The following MAGI1 variants were observed in gnomAD, a reference collection of about 807,000 sequenced individuals.
MAGI1 encodes the protein membrane associated guanylate kinase, WW and PDZ domain containing 1.
MAGI1 carries 58 observed loss-of-function variants against 139.9 expected under a neutral mutation model. That is an observed-to-expected ratio of 0.41 (90% confidence interval 0.34 to 0.52). The LOEUF is 0.52. MAGI1 is among the 20% of genes least tolerant of loss of function. The pLI is 0.12. For synonymous variants in MAGI1, 812 were observed against 737.9 expected (o/e 1.10, Z -1.63); for missense variants, 1,874 against 1,901.6 (o/e 0.99, Z 0.27).
chr3:65,418,967 C>G (rs553451077), intron 12 of MAGI1, among the ~76,000 whole-genome samples: 11 of 152,286 alleles, frequency 7.2e-5, no homozygotes, highest in Non-Finnish European at 1.5e-4. Context: ...CTCTTGGGTT[C>G]TGTGATACAA....
At chr3:65,583,255 T>G (rs2081522735) in intron 2 of MAGI1, among the ~76,000 whole-genome samples, 1 of 152,140 alleles carries the variant, frequency 6.6e-6, no homozygotes, top group Admixed American at 6.5e-5. Flanking sequence ...TTGCTGCTCT[T>G]AGATTTACAC....
At chr3:65,520,117 T>C (rs990787466) in intron 2 of MAGI1, among the ~76,000 whole-genome samples, 7 of 152,204 alleles carry the variant, frequency 4.6e-5, no homozygotes, top group African/African-American at 1.4e-4. Flanking sequence ...CTAGATCCCG[T>C]TGAACCACCC....
intron 7 of MAGI1, 25 bp from the exon 8 acceptor site, chr3:65,442,874 G>A (rs1386671596): frequency 1.9e-6 from 3 of 1,586,674 alleles, no homozygotes; most frequent in Non-Finnish European, 2.6e-6. Flanking sequence ...AACATTTAGG[G>A]CAAGAAGAGC....
chr3:65,649,098 G>A (rs2085435814), intron 1 of MAGI1, among the ~76,000 whole-genome samples: 2 of 152,120 alleles, frequency 1.3e-5, no homozygotes, highest in Non-Finnish European at 1.5e-5. Flanking sequence ...TAAAGTGTGT[G>A]AAAAATGAAG....
chr3:65,935,266 G>A (rs1214035308), intron 1 of MAGI1, among the ~76,000 whole-genome samples: 1 of 152,164 alleles, frequency 6.6e-6, no homozygotes, highest in Admixed American at 6.5e-5. Flanking sequence ...AACTGAAAGA[G>A]GTTTAGTGAT....
chr3:65,658,915 T>A (rs534803434), intron 1 of MAGI1, among the ~76,000 whole-genome samples: 2 of 152,220 alleles, frequency 1.3e-5, no homozygotes, highest in South Asian at 4.1e-4. Context: ...CAATAAATAC[T>A]AGAAATCAAC....
At chr3:65,838,763 T>G (rs367762089) in intron 1 of MAGI1, among the ~76,000 whole-genome samples, 19 of 152,372 alleles carry the variant, frequency 1.2e-4, no homozygotes, top group African/African-American at 4.6e-4. Flanking sequence ...ACTGGGGTCC[T>G]GTTGTAAATG....
At chr3:65,693,003 C>G (rs968198130) in intron 1 of MAGI1, among the ~76,000 whole-genome samples, 1 of 152,130 alleles carries the variant, frequency 6.6e-6, no homozygotes, top group Non-Finnish European at 1.5e-5. Context: ...ACAATCATGG[C>G]TCACTGCAGC....
chr3:65,828,253 A>G (rs2042335247), intron 1 of MAGI1, among the ~76,000 whole-genome samples: 1 of 152,208 alleles, frequency 6.6e-6, no homozygotes, highest in African/African-American at 2.4e-5. Flanking sequence ...GAGGAGGACC[A>G]TCAGGTTCTG....
intron 1 of MAGI1, among the ~76,000 whole-genome samples, chr3:65,701,323 C>G (rs976939349): frequency 1.3e-5 from 2 of 152,070 alleles, no homozygotes; most frequent in African/African-American, 4.8e-5. Flanking sequence ...CGTGATCTTG[C>G]CTTACTGCAA....
chr3:65,436,419 GT>G (rs1295019925), intron 10 of MAGI1, among the ~76,000 whole-genome samples: 3 of 152,016 alleles, frequency 2.0e-5, no homozygotes, highest in Non-Finnish European at 4.4e-5. Context: ...AAGTTGCAAG[GT>G]TCTGGAGCTT....
intron 2 of MAGI1, among the ~76,000 whole-genome samples, chr3:65,544,156 C>T (rs1029203841): frequency 4.6e-5 from 7 of 151,820 alleles, no homozygotes; most frequent in Non-Finnish European, 8.8e-5. Context: ...TTCTTGGTGC[C>T]TTTTATATTT....
At chr3:65,658,861 T>G (rs549082932) in intron 1 of MAGI1, among the ~76,000 whole-genome samples, 1 of 152,226 alleles carries the variant, frequency 6.6e-6, no homozygotes, top group Non-Finnish European at 1.5e-5. Context: ...GAGGGTTTTC[T>G]TGCCCTGTAT....
At chr3:65,789,899 A>G (rs1456448359) in intron 1 of MAGI1, among the ~76,000 whole-genome samples, 1 of 152,246 alleles carries the variant, frequency 6.6e-6, no homozygotes, top group African/African-American at 2.4e-5. Flanking sequence ...TTCCACAAAA[A>G]GGAAGCATTC....
At chr3:65,454,386 T>G (rs1949239947) in intron 5 of MAGI1, among the ~76,000 whole-genome samples, 1 of 139,004 alleles carries the variant, frequency 7.2e-6, no homozygotes, top group Non-Finnish European at 1.6e-5. Context: ...TGTTGTGGGG[T>G]TGGGGGAGGG....
chr3:65,796,107 C>T (rs1371557816), intron 1 of MAGI1, among the ~76,000 whole-genome samples: 3 of 150,860 alleles, frequency 2.0e-5, no homozygotes, highest in South Asian at 2.1e-4. Context: ...CACAGGACTG[C>T]GGAGGATGGC....
intron 1 of MAGI1, among the ~76,000 whole-genome samples, chr3:66,031,059 T>C (rs555438617): frequency 2.6e-5 from 4 of 152,272 alleles, no homozygotes; most frequent in South Asian, 4.2e-4. Context: ...CCGACCTCCA[T>C]AGGGGAGAAG....
chr3:65,739,750 T>C (rs1431169654), intron 1 of MAGI1, among the ~76,000 whole-genome samples: 1 of 152,036 alleles, frequency 6.6e-6, no homozygotes, highest in East Asian at 1.9e-4. Context: ...CGTGGAGCAG[T>C]CAGAACACAC....
chr3:65,743,508 G>A (rs1050904840), intron 1 of MAGI1, among the ~76,000 whole-genome samples: 3 of 151,614 alleles, frequency 2.0e-5, no homozygotes, highest in Non-Finnish European at 2.9e-5. Context: ...AGTAGTTCGA[G>A]ACCAGCCTGG....
Sources: allele counts gnomAD v4.1 joint callset (sites outside exome capture counted in the v4.1 genomes callset), GRCh38; gene constraint gnomAD v4.1.1; transcripts MANE v1.5; gene names NCBI Gene and HGNC (gene_info 2026-07-23, HGNC 2026-07-21).